Variants in CHRM3 observed in about 807,000 individuals in gnomAD.
CHRM3 encodes the protein cholinergic receptor muscarinic 3.
Under a neutral mutation model 41.8 loss-of-function variants are expected in CHRM3, and 11 were observed. That is an observed-to-expected ratio of 0.26 (90% CI 0.17 to 0.44). CHRM3 has a LOEUF of 0.44. Among genes scored for constraint, CHRM3 ranks in the 20% least tolerant of loss-of-function variants. CHRM3 has a pLI of 1.00. For missense variants in CHRM3, 571 were observed against 745.4 expected (o/e 0.77, Z 2.72); for synonymous variants, 297 against 301.4 (o/e 0.99, Z 0.15).
intron 5 of CHRM3, among the ~76,000 whole-genome samples, chr1:239,809,044 G>A (rs1187702535): frequency 9.3e-6 from 1 of 107,152 alleles, no homozygotes; most frequent in African/African-American, 4.4e-5. Context: ...TTTTGAGACA[G>A]AGTCTTGCTC....
intron 1 of CHRM3, among the ~76,000 whole-genome samples, chr1:239,398,572 C>A (rs1659696908): frequency 6.6e-6 from 1 of 152,082 alleles, no homozygotes; most frequent in African/African-American, 2.4e-5. Flanking sequence ...TCTATCAAAC[C>A]CCTGAAGATT....
intron 5 of CHRM3, among the ~76,000 whole-genome samples, chr1:239,789,202 A>C (rs374429376): frequency 1.3e-5 from 2 of 152,204 alleles, no homozygotes; most frequent in African/African-American, 4.8e-5. Flanking sequence ...GAAGTGATGC[A>C]TATTACGTCT....
chr1:239,692,652 T>G (rs561070338), intron 5 of CHRM3, among the ~76,000 whole-genome samples: 1 of 152,234 alleles, frequency 6.6e-6, no homozygotes, highest in Non-Finnish European at 1.5e-5. Context: ...TTATGAAAAC[T>G]GAAGTGCTTG....
chr1:239,816,777 C>T (rs1231069847), intron 5 of CHRM3, among the ~76,000 whole-genome samples: 1 of 145,646 alleles, frequency 6.9e-6, no homozygotes, highest in African/African-American at 2.6e-5. Flanking sequence ...TGTTGCCAGG[C>T]TGGTGTGCAG....
chr1:239,597,538 A>G (rs13376565), intron 3 of CHRM3, among the ~76,000 whole-genome samples: 16,005 of 151,992 alleles, frequency 0.11, 884 homozygotes, highest in African/African-American at 0.13. Context: ...ATTGTTTCTA[A>G]TTATATCCTT....
intron 2 of CHRM3, among the ~76,000 whole-genome samples, chr1:239,526,927 T>G (rs1670033864): frequency 6.6e-6 from 1 of 151,972 alleles, no homozygotes; most frequent in Non-Finnish European, 1.5e-5. Context: ...TTAAGGCCAG[T>G]CTGAGCAATA....
At chr1:239,696,533 C>T (rs1331077055) in intron 5 of CHRM3, among the ~76,000 whole-genome samples, 6 of 152,164 alleles carry the variant, frequency 3.9e-5, no homozygotes, top group East Asian at 3.9e-4. Flanking sequence ...TATGAAAACA[C>T]CCACTTCCCA....
intron 4 of CHRM3, among the ~76,000 whole-genome samples, chr1:239,674,125 G>A (rs1359502689): frequency 6.6e-6 from 1 of 152,092 alleles, no homozygotes; most frequent in African/African-American, 2.4e-5. Flanking sequence ...CACTCAACCT[G>A]TAATGTTACG....
intron 3 of CHRM3, among the ~76,000 whole-genome samples, chr1:239,631,218 T>A (rs2148868418): frequency 6.6e-6 from 1 of 152,322 alleles, no homozygotes; most frequent in African/African-American, 2.4e-5. Flanking sequence ...GTTAATTACA[T>A]ATCCAATTGC....
intron 5 of CHRM3, among the ~76,000 whole-genome samples, chr1:239,791,439 A>G (rs955868370): frequency 6.6e-6 from 1 of 152,176 alleles, no homozygotes; most frequent in Non-Finnish European, 1.5e-5. Flanking sequence ...ATGTTGAGCA[A>G]TTTCAGTAAT....
chr1:239,809,043 A>G lies in CHRM3; in HGVS notation c.-146-18209A>G, dbSNP rs554205579. The stretch of plus-strand genomic sequence containing the variant: ...CATTTTTTTTTTTTTTTTTTGAGAC[A>G]GAGTCTTGCTCTGTCACCCAGGCTG... On this transcript the variant is annotated intron_variant, in intron 5 of 6. Coordinates refer to ENST00000676153, the MANE Select transcript of CHRM3 (RefSeq NM_001375978.1). Among the ~76,000 whole-genome samples, 96 of 115,902 alleles carry G rather than the reference A, an allele frequency of 8.3e-4. 1 individual carries two copies. Among genetic ancestry groups the G allele is most frequent in the African/African-American group, 3.8e-3 (95 of 25,132 alleles). The allele number at this position is 115,902 out of a possible 152,430, so 76.0% of individuals were successfully genotyped here.
chr1:239,723,838 C>A (rs1663194877), intron 5 of CHRM3, among the ~76,000 whole-genome samples: 1 of 151,762 alleles, frequency 6.6e-6, no homozygotes, highest in South Asian at 2.1e-4. Context: ...AAAGATGAGG[C>A]CTCATAGTAT....
At chr1:239,519,663 T>C (rs1289718650) in intron 2 of CHRM3, among the ~76,000 whole-genome samples, 3 of 152,104 alleles carry the variant, frequency 2.0e-5, no homozygotes, top group Non-Finnish European at 2.9e-5. Flanking sequence ...TTCTCAAATA[T>C]TTTATCCATA....
At chr1:239,640,550 T>G (rs376040116) in intron 4 of CHRM3, among the ~76,000 whole-genome samples, 6 of 152,132 alleles carry the variant, frequency 3.9e-5, no homozygotes, top group Non-Finnish European at 8.8e-5. Context: ...AGTTTATTTG[T>G]GTAGAGGTGT....
intron 3 of CHRM3, among the ~76,000 whole-genome samples, chr1:239,551,574 C>T (rs913302022): frequency 6.6e-6 from 1 of 150,848 alleles, no homozygotes; most frequent in African/African-American, 2.4e-5. Flanking sequence ...ATACATCACT[C>T]AGAGGAGGAC....
At chr1:239,692,744 GA>G (rs1471211260) in intron 5 of CHRM3, among the ~76,000 whole-genome samples, 2 of 152,038 alleles carry the variant, frequency 1.3e-5, no homozygotes, top group Non-Finnish European at 2.9e-5. Context: ...TTCCTGTAAG[GA>G]AAAAAACAGA....
chr1:239,412,093 A>T (rs1253046691), intron 1 of CHRM3, among the ~76,000 whole-genome samples: 1 of 151,276 alleles, frequency 6.6e-6, no homozygotes, highest in Non-Finnish European at 1.5e-5. Flanking sequence ...TTTAATATTA[A>T]TATGTTTTGA....
At chr1:239,831,638 C>T (rs1362668602) in intron 6 of CHRM3, among the ~76,000 whole-genome samples, 2 of 152,132 alleles carry the variant, frequency 1.3e-5, no homozygotes, top group Non-Finnish European at 2.9e-5. Context: ...GATAGTTTAT[C>T]ATTTCAAGCA....
intron 5 of CHRM3, among the ~76,000 whole-genome samples, chr1:239,780,587 G>T (rs2148796876): frequency 6.6e-6 from 1 of 152,182 alleles, no homozygotes; most frequent in Admixed American, 6.5e-5. Context: ...TCTCATGACA[G>T]TGTCTCTCAC....
Sources: allele counts gnomAD v4.1 joint callset (sites outside exome capture counted in the v4.1 genomes callset), GRCh38; gene constraint gnomAD v4.1.1; transcripts MANE v1.5; gene names NCBI Gene and HGNC (gene_info 2026-07-23, HGNC 2026-07-21).